Variants in UGT3A2 observed in about 807,000 individuals in gnomAD.
UGT3A2 encodes the protein UDP-glycosyltransferase 3A2.
Under a neutral mutation model 39.8 loss-of-function variants are expected in UGT3A2, and 32 were observed. The ratio of observed to expected loss-of-function variants is 0.80; its 90% CI spans 0.61 to 1.08. UGT3A2 has a LOEUF of 1.08. Among genes scored for constraint, UGT3A2 ranks in the 50% least tolerant of loss-of-function variants. The pLI, the probability that UGT3A2 is intolerant of heterozygous loss-of-function variation, is 0.00. For missense variants in UGT3A2, 611 were observed against 637.1 expected, an observed-to-expected ratio of 0.96 and a Z score of 0.44; for synonymous variants, 241 against 230.7, an observed-to-expected ratio of 1.04 and a Z score of -0.40.
rs34970074 is a variant in UGT3A2, at chr5:36,050,862, C to CAA, written c.311+1006_311+1007dup. ...GGGCAACAAGAGCAAAACTCCGTCTCAAAAAAAAAAAAGCCAGTAATGTAG... is the reference window on the plus strand; with the variant it reads ...GGGCAACAAGAGCAAAACTCCGTCTCAAAAAAAAAAAAAAGCCAGTAATGTAG... On this transcript the variant is annotated intron_variant, in intron 3 of 6. Transcript: ENST00000282507. Among the ~76,000 whole-genome samples, 864 of 138,810 alleles carry CAA rather than the reference C, an allele frequency of 6.2e-3. 14 individuals carry two copies. The highest frequency in any genetic ancestry group is 0.02 in the African/African-American group (747 of 37,380). 91.1% of individuals were successfully genotyped at this position (138,810 alleles called of 152,430 possible). A position where few individuals can be genotyped will look rare whatever the true frequency, so the allele number is the denominator to read the frequency against.
Position 36,039,604 on chromosome 5 carries a change from C to A in UGT3A2, c.948G>T (p.Met316Ile), listed in dbSNP as rs772091135. ...TCQNPEIFKE[M>I]NNAFAHLPQG... ...GGGGTAGGTGAGCAAAGGCATTGTT[C>A]ATCTCCTTGAAGATTTCCGGATTCT... Residue 316 changes from methionine (M) to isoleucine (I), a missense_variant, in exon 5 of 7, where the codon ATG becomes ATT. By Grantham distance (10) the Met-to-Ile change is conservative. Transcript: ENST00000282507. The A allele has an allele frequency of 6.2e-7, 1 of 1,614,010 alleles. No individual in the cohort carries two copies. The highest frequency in any genetic ancestry group is 8.5e-7 in the Non-Finnish European group (1 of 1,180,044).
chr5:36,035,608 T>C lies in UGT3A2; in HGVS notation c.*90A>G, dbSNP rs1030688108. ...GAAAACAGGAGATAACTAGAAGGAC[T>C]AGAGAATGGGGCTGCCAGAACTAGT... On this transcript the variant is annotated 3_prime_UTR_variant, in exon 7 of 7. Transcript: ENST00000282507. 200 of 1,521,692 alleles carry C rather than the reference T, an allele frequency of 1.3e-4. No individual in the cohort carries two copies. The highest frequency in any genetic ancestry group is 1.7e-4 in the Non-Finnish European group (192 of 1,130,834). The allele number at this position is 1,521,692 out of a possible 1,614,324, so 94.3% of individuals were successfully genotyped here. A position where few individuals can be genotyped will look rare whatever the true frequency, so the allele number is the denominator to read the frequency against.
chr5:36,043,514 G>A lies in UGT3A2; in HGVS notation c.844-3806C>T, dbSNP rs560074659. On this transcript the variant is annotated intron_variant, in intron 4 of 6. Transcript: ENST00000282507. ...CCAAACCCAAAAATAGTAGAAGAAA[G>A]ACATAAAGATCACAGCAGAAATAAA... Among the ~76,000 whole-genome samples the A allele has an allele frequency of 2.6e-3, 389 of 151,320 alleles. 1 individual carries two copies. The highest frequency in any genetic ancestry group is 4.4e-3 in the Non-Finnish European group (297 of 67,674).
rs867490183 is a variant in UGT3A2 at position 36,064,317 on chromosome 5, G to A, written c.128C>T (p.Ser43Phe). ...GSHYLLMDRV[S>F]QILQDHGHNV... ...ATGACCGTGATCTTGAAGAATCTGA[G>A]AAACCCGGTCCATCAGTAGATAATG... Residue 43 changes from serine (S) to phenylalanine (F), a missense_variant, in exon 2 of 7, where the codon TCT becomes TTT. Ser to Phe is a radical substitution (Grantham distance 155). Coordinates refer to ENST00000282507, the MANE Select transcript of UGT3A2 (RefSeq NM_174914.4). 1 of 1,614,186 alleles carries A rather than the reference G, an allele frequency of 6.2e-7. No homozygotes were observed. Among genetic ancestry groups the A allele is most frequent in the East Asian group, 2.2e-5 (1 of 44,878 alleles).
chr5:36,062,211 T>C (rs1429725384), intron 2 of UGT3A2, among the ~76,000 whole-genome samples: 2 of 149,788 alleles, frequency 1.3e-5, no homozygotes, highest in Non-Finnish European at 3.0e-5. Flanking sequence ...ACTCTGATGG[T>C]AGTTTCTTTT....
At position 36,039,553 on chromosome 5, in the gene UGT3A2, A is replaced by T; in HGVS notation, c.999T>A (p.Cys333Ter). 6.2e-7 allele frequency: 1 copy of T among 1,614,172 alleles called. No individual in the cohort carries two copies. Among genetic ancestry groups the T allele is most frequent in the Non-Finnish European group, 8.5e-7 (1 of 1,180,020 alleles). Reference protein sequence around the residue: ...LPQGVIWKCQCSHWPKDVHLA... With the variant: ...LPQGVIWKCQ ...GGTGGACATCTTTGGGCCAATGAGAACACTGACACTTCCATATCACCCCTT... is the reference window on the plus strand; with the variant it reads ...GGTGGACATCTTTGGGCCAATGAGATCACTGACACTTCCATATCACCCCTT... Residue 333 changes from cysteine (C) to a stop codon, truncating the protein, a stop_gained, in exon 5 of 7, where the codon TGT becomes TGA. Transcript: ENST00000282507. LOFTEE classifies it high-confidence loss of function.
chr5:36,058,739 C>A (rs1340923280), intron 2 of UGT3A2, among the ~76,000 whole-genome samples: 4 of 151,700 alleles, frequency 2.6e-5, no homozygotes, highest in African/African-American at 9.8e-5. Flanking sequence ...TGGCCCCCTT[C>A]TTTATAACAG....
In UGT3A2 at chr5:36,064,378, G is replaced by C. The variant is rs749977923; in HGVS notation, c.95-28C>G. The C allele has an allele frequency of 4.4e-6, 7 of 1,580,224 alleles. No homozygotes were observed. In the East Asian group the frequency reaches 1.6e-4, roughly 35 times the overall value. ...AGGAACAATGCACAACTTCAGTTCT[G>C]GAATGATGAGAATACAGTGTCTGAA... On this transcript the variant is annotated intron_variant, in intron 1 of 6. Coordinates refer to ENST00000282507, the MANE Select transcript of UGT3A2 (RefSeq NM_174914.4).
rs1742899472 is a variant in UGT3A2 at position 36,066,871 on chromosome 5, G to A, written c.-82C>T. The A allele has an allele frequency of 2.0e-6, 3 of 1,506,258 alleles. No homozygotes were observed. Among genetic ancestry groups the A allele is most frequent in the Non-Finnish European group, 2.8e-6 (3 of 1,083,684 alleles). The allele number at this position is 1,506,258 out of a possible 1,614,324, so 93.3% of individuals were successfully genotyped here. A position where few individuals can be genotyped will look rare whatever the true frequency, so the allele number is the denominator to read the frequency against. ...TAAGGGACCCTGTGCACCTCAGTGC[G>A]CCAAAGGCACTGGCTGTGGGTAGAG... is the stretch of plus-strand genomic sequence containing the variant. On this transcript the variant is annotated 5_prime_UTR_variant, in exon 1 of 7. Coordinates refer to ENST00000282507, the MANE Select transcript of UGT3A2 (RefSeq NM_174914.4).
intron 3 of UGT3A2, 35 bp from the exon 4 acceptor site, chr5:36,049,455 A>G: frequency 6.8e-7 from 1 of 1,469,094 alleles, no homozygotes; most frequent in African/African-American, 1.4e-5. Flanking sequence ...TATTCATGGG[A>G]AGTGTTAAAT....
intron 2 of UGT3A2, among the ~76,000 whole-genome samples, chr5:36,060,275 A>C (rs1159205808): frequency 6.6e-6 from 1 of 152,250 alleles, no homozygotes; most frequent in Non-Finnish European, 1.5e-5. Flanking sequence ...GTTGGAGGCC[A>C]AAAGAGTGAG....
intron 2 of UGT3A2, among the ~76,000 whole-genome samples, chr5:36,052,659 A>T (rs1742383940): frequency 6.6e-6 from 1 of 152,126 alleles, no homozygotes; most frequent in Non-Finnish European, 1.5e-5. Flanking sequence ...TCCTCACAGT[A>T]AAAACTCAAG....
At chr5:36,037,429 C>T (rs1051068239) in intron 6 of UGT3A2, among the ~76,000 whole-genome samples, 1 of 152,022 alleles carries the variant, frequency 6.6e-6, no homozygotes, top group Non-Finnish European at 1.5e-5. Flanking sequence ...AAACAAAAAG[C>T]CAAGGGGGAG....
intron 4 of UGT3A2, among the ~76,000 whole-genome samples, chr5:36,047,898 G>A (rs1433614272): frequency 1.3e-5 from 2 of 152,074 alleles, no homozygotes; most frequent in Non-Finnish European, 2.9e-5. Context: ...CACGTATTGG[G>A]ACCCCTGCTC....
At chr5:36,051,489 G>T (rs1021004445) in intron 3 of UGT3A2, among the ~76,000 whole-genome samples, 4 of 152,328 alleles carry the variant, frequency 2.6e-5, no homozygotes, top group African/African-American at 7.2e-5. Context: ...CACCAACAGT[G>T]AAAAGTTGAG....
intron 4 of UGT3A2, among the ~76,000 whole-genome samples, chr5:36,043,002 T>C (rs1211886147): frequency 1.3e-5 from 2 of 152,048 alleles, no homozygotes; most frequent in Admixed American, 6.6e-5. Context: ...AAAGAAACAT[T>C]GAACTTAATC....
chr5:36,036,530 G>T (rs1393647478), intron 6 of UGT3A2, among the ~76,000 whole-genome samples: 4 of 152,228 alleles, frequency 2.6e-5, no homozygotes, highest in Non-Finnish European at 4.4e-5. Context: ...CCTACAAATT[G>T]TGAAGCTGGC....
chr5:36,044,929 A>G (rs1742120631), intron 4 of UGT3A2, among the ~76,000 whole-genome samples: 1 of 152,194 alleles, frequency 6.6e-6, no homozygotes, highest in South Asian at 2.1e-4. Flanking sequence ...TACAGATTCA[A>G]TTCAATCTCT....
intron 3 of UGT3A2, 22 bp downstream of exon 3, chr5:36,051,848 C>A: frequency 6.5e-7 from 1 of 1,548,248 alleles, no homozygotes; most frequent in South Asian, 1.2e-5. Flanking sequence ...CCTTTTTGTT[C>A]AAAGAATAAA....
Sources: allele counts gnomAD v4.1 joint callset (sites outside exome capture counted in the v4.1 genomes callset), GRCh38; gene constraint gnomAD v4.1.1; transcripts MANE v1.5; gene names NCBI Gene and HGNC (gene_info 2026-07-23, HGNC 2026-07-21).